WWOX: variants seen among roughly 807,000 people sequenced by gnomAD.
The protein encoded by WWOX is WW domain-containing oxidoreductase.
WWOX carries 69 observed loss-of-function variants against 46.2 expected under a neutral mutation model. That is an observed-to-expected ratio of 1.49 (90% CI 1.23 to 1.82). The LOEUF is 1.82. Among genes scored for constraint, WWOX ranks in the 40% most tolerant of loss-of-function variants. The pLI, the probability that WWOX is intolerant of heterozygous loss-of-function variation, is 0.00. For missense variants in WWOX, 919 were observed against 542.6 expected (o/e 1.69, Z -6.89); for synonymous variants, 359 against 202.6 (o/e 1.77, Z -6.56).
intron 8 of WWOX, among the ~76,000 whole-genome samples, chr16:78,920,824 T>G (rs1170158247): frequency 6.6e-6 from 1 of 152,244 alleles, no homozygotes; most frequent in African/African-American, 2.4e-5. Context: ...GACCTGGCTT[T>G]GGCTGTTGTG....
chr16:78,245,487 T>G (rs1462418100), intron 5 of WWOX, among the ~76,000 whole-genome samples: 1 of 152,216 alleles, frequency 6.6e-6, no homozygotes, highest in Non-Finnish European at 1.5e-5. Flanking sequence ...ACCATGTAAT[T>G]GAGAGCACCT....
intron 4 of WWOX, among the ~76,000 whole-genome samples, chr16:78,120,866 C>A (rs1301141994): frequency 6.6e-6 from 1 of 152,110 alleles, no homozygotes; most frequent in African/African-American, 2.4e-5. Context: ...ATTTTAAATC[C>A]ACACTTCCCA....
chr16:78,774,689 G>A (rs571180465), intron 8 of WWOX, among the ~76,000 whole-genome samples: 3 of 151,956 alleles, frequency 2.0e-5, no homozygotes, highest in Non-Finnish European at 2.9e-5. Context: ...TTGTCTGTGT[G>A]GGGGGAGGGG....
chr16:78,243,731 G>C (rs1020265769), intron 5 of WWOX, among the ~76,000 whole-genome samples: 15 of 152,140 alleles, frequency 9.9e-5, no homozygotes, highest in Non-Finnish European at 1.8e-4. Context: ...ATTTTGCGTA[G>C]AGGCAGTGTT....
At chr16:78,809,133 TG>T (rs753272322) in intron 8 of WWOX, among the ~76,000 whole-genome samples, 33 of 152,124 alleles carry the variant, frequency 2.2e-4, no homozygotes, top group African/African-American at 7.0e-4. Context: ...GTTCTCCCCC[TG>T]CACCCTTCTC....
At chr16:78,293,400 C>A (rs953733506) in intron 5 of WWOX, among the ~76,000 whole-genome samples, 1 of 152,202 alleles carries the variant, frequency 6.6e-6, no homozygotes, top group African/African-American at 2.4e-5. Flanking sequence ...ATGGTCCCTG[C>A]TCTTCTGTAT....
intron 8 of WWOX, among the ~76,000 whole-genome samples, chr16:79,192,521 T>C (rs560589090): frequency 1.3e-5 from 2 of 152,290 alleles, no homozygotes; most frequent in South Asian, 4.2e-4. Context: ...CTGAAAAAGA[T>C]GTGAGGTTGT....
intron 8 of WWOX, among the ~76,000 whole-genome samples, chr16:78,745,179 G>C (rs1429269885): frequency 6.6e-6 from 1 of 152,176 alleles, no homozygotes; most frequent in Non-Finnish European, 1.5e-5. Context: ...TGTCCCTTCA[G>C]CCAGGATCTT....
chr16:79,027,403 G>A (rs1056404039), intron 8 of WWOX, among the ~76,000 whole-genome samples: 1 of 151,626 alleles, frequency 6.6e-6, no homozygotes, highest in Non-Finnish European at 1.5e-5. Flanking sequence ...AAGGAGCAAG[G>A]CCATTTTGTG....
At chr16:78,138,967 G>A (rs1015866573) in intron 4 of WWOX, among the ~76,000 whole-genome samples, 2 of 152,118 alleles carry the variant, frequency 1.3e-5, no homozygotes, top group East Asian at 1.9e-4. Flanking sequence ...CAGACAACCC[G>A]TTTATACCTC....
chr16:78,525,571 C>T (rs1452503742), intron 8 of WWOX: 1 of 152,162 alleles, frequency 6.6e-6, no homozygotes, highest in African/African-American at 2.4e-5. Context: ...GATTGAGTCT[C>T]AAAATGTCTG....
chr16:78,424,843 C>G (rs756495469), intron 6 of WWOX, 27 bp from the exon 7 acceptor site: 1 of 1,613,444 alleles, frequency 6.2e-7, no homozygotes, highest in African/African-American at 1.3e-5. Flanking sequence ...TTTATGTCCA[C>G]ATCACATGGG....
intron 8 of WWOX, among the ~76,000 whole-genome samples, chr16:78,470,522 A>G (rs2084196731): frequency 6.6e-6 from 1 of 151,784 alleles, no homozygotes; most frequent in Non-Finnish European, 1.5e-5. Context: ...GTATATATGT[A>G]TGTATGCATG....
At chr16:78,921,161 CT>C (rs34953318) in intron 8 of WWOX, among the ~76,000 whole-genome samples, 4 of 151,430 alleles carry the variant, frequency 2.6e-5, no homozygotes, top group Non-Finnish European at 5.9e-5. Context: ...CATAAGGGAA[CT>C]TTTTTTTTCA....
At chr16:78,806,700 A>C (rs1483633168) in intron 8 of WWOX, among the ~76,000 whole-genome samples, 1 of 152,068 alleles carries the variant, frequency 6.6e-6, no homozygotes, top group Admixed American at 6.5e-5. Flanking sequence ...CCTTCCATAG[A>C]AGTTACATAG....
intron 8 of WWOX, among the ~76,000 whole-genome samples, chr16:78,938,149 C>T (rs1372435529): frequency 2.0e-5 from 3 of 152,290 alleles, no homozygotes; most frequent in Non-Finnish European, 4.4e-5. Flanking sequence ...ATGTCAGGAC[C>T]TTCCTGGCCT....
At chr16:78,114,682 CCTT>C (rs1299892965) in intron 3 of WWOX, among the ~76,000 whole-genome samples, 1 of 146,114 alleles carries the variant, frequency 6.8e-6, no homozygotes, top group Admixed American at 6.6e-5. Flanking sequence ...AAGCCCAAAA[CCTT>C]CTCAAGAAGC....
At chr16:78,933,830 G>T (rs937812342) in intron 8 of WWOX, among the ~76,000 whole-genome samples, 1 of 152,122 alleles carries the variant, frequency 6.6e-6, no homozygotes, top group South Asian at 2.1e-4. Context: ...ACGACATTTG[G>T]GAATTGTGGG....
At chr16:78,884,514 G>C (rs562519213) in intron 8 of WWOX, among the ~76,000 whole-genome samples, 1 of 152,092 alleles carries the variant, frequency 6.6e-6, no homozygotes, top group Non-Finnish European at 1.5e-5. Flanking sequence ...TCACCAACAA[G>C]AATGAATGAC....
Sources: allele counts gnomAD v4.1 joint callset (sites outside exome capture counted in the v4.1 genomes callset), GRCh38; gene constraint gnomAD v4.1.1; transcripts MANE v1.5; gene names NCBI Gene and HGNC (gene_info 2026-07-23, HGNC 2026-07-21).